The following RTTN variants were observed in gnomAD, a reference collection of about 807,000 sequenced individuals.
The protein encoded by RTTN is rotatin.
In RTTN, 182 loss-of-function variants were observed where a neutral mutation model predicts 269.2. The observed-to-expected ratio is 0.68, with a 90% CI of 0.60 to 0.76. The LOEUF is 0.76. RTTN is among the 30% of genes least tolerant of loss of function. The probability of loss-of-function intolerance (pLI) is 0.00; values close to 1 mark genes in which losing one functional copy is unlikely to be tolerated. For synonymous variants in RTTN, 1,006 were observed against 963.5 expected (o/e 1.04, Z -0.82); for missense variants, 2,545 against 2,608.6 (o/e 0.98, Z 0.53).
At chr18:70,022,195 TC>T (rs2056725885) in intron 44 of RTTN, among the ~76,000 whole-genome samples, 1 of 152,186 alleles carries the variant, frequency 6.6e-6, no homozygotes, top group Admixed American at 6.5e-5. Context: ...TCTCCTCTTC[TC>T]ACATCACCTC....
intron 25 of RTTN, among the ~76,000 whole-genome samples, chr18:70,125,299 G>A (rs939717523): frequency 4.6e-5 from 7 of 151,948 alleles, no homozygotes; most frequent in Non-Finnish European, 8.8e-5. Context: ...AGTTGAGTTT[G>A]CTAATATCAT....
chr18:70,068,498 C>T (rs1599372304), intron 34 of RTTN, among the ~76,000 whole-genome samples: 2 of 152,160 alleles, frequency 1.3e-5, no homozygotes, highest in South Asian at 4.1e-4. Flanking sequence ...GCCTTGTTTG[C>T]GAGGAGAGGC....
intron 10 of RTTN, among the ~76,000 whole-genome samples, chr18:70,177,581 A>C (rs2061332946): frequency 6.6e-6 from 1 of 152,132 alleles, no homozygotes; most frequent in African/African-American, 2.4e-5. Context: ...ATGCCCCCAT[A>C]AACTAGCGGG....
intron 37 of RTTN, 53 bp from the exon 38 acceptor site, chr18:70,054,337 C>T: frequency 6.7e-7 from 1 of 1,490,672 alleles, no homozygotes; most frequent in Non-Finnish European, 9.1e-7. Flanking sequence ...AAAAGCCCAT[C>T]TCAGTGATAC....
At chr18:70,132,579 CTTAGAAA>C (rs1405630473) in intron 23 of RTTN, among the ~76,000 whole-genome samples, 1 of 151,866 alleles carries the variant, frequency 6.6e-6, no homozygotes, top group Non-Finnish European at 1.5e-5. Context: ...TCACAAAACA[CTTAGAAA>C]ATATTTTGAA....
intron 6 of RTTN, 132 bp from the exon 7 acceptor site, chr18:70,196,780 A>G (rs577600767): frequency 3.5e-5 from 29 of 829,216 alleles, no homozygotes; most frequent in South Asian, 3.0e-4. Flanking sequence ...TTTGTAAGAC[A>G]TAAGAAACTG....
chr18:70,089,476 T>G (rs1275289094), intron 30 of RTTN, among the ~76,000 whole-genome samples: 1 of 152,162 alleles, frequency 6.6e-6, no homozygotes, highest in African/African-American at 2.4e-5. Flanking sequence ...AATGGTATTT[T>G]GTTATGGAAG....
chr18:70,144,124 G>C (rs1408020805), intron 18 of RTTN, among the ~76,000 whole-genome samples: 1 of 152,148 alleles, frequency 6.6e-6, no homozygotes, highest in African/African-American at 2.4e-5. Context: ...TGGGATTACA[G>C]GCAAGAGCCA....
Position 70,020,658 on chromosome 18 carries a change from G to A in RTTN, c.6110C>T (p.Ser2037Leu), listed in dbSNP as rs372468552. 5 of 1,613,906 alleles carry A rather than the reference G, an allele frequency of 3.1e-6. No homozygotes were observed. The African/African-American group carries it at 6.7e-5, about 22-fold the overall frequency. Reference protein sequence around the residue: ...TVQQMVFMLLSNLALSHDCKG... With the variant: ...TVQQMVFMLLLNLALSHDCKG... ...ACAGTCATGCGACAAGGCCAGGTTT[G>A]AAAGAAGCATAAAAACCATCTGCTG... The change falls in exon 45 of 49, where the codon TCA becomes TTA. Residue 2037 changes from serine to leucine, a missense_variant. Ser to Leu is a moderately radical substitution (Grantham distance 145). Coordinates refer to ENST00000640769, the MANE Select transcript of RTTN (RefSeq NM_173630.4).
At chr18:70,181,848 TTC>T (rs2061428687) in intron 10 of RTTN, among the ~76,000 whole-genome samples, 1 of 152,210 alleles carries the variant, frequency 6.6e-6, no homozygotes. Context: ...TTTGAAGTAC[TTC>T]TGTTTTATTT....
At position 70,166,977 on chromosome 18, in the gene RTTN, A is replaced by T. The variant is rs1214345714; in HGVS notation, c.1744T>A (p.Phe582Ile). Residue 582 changes from phenylalanine (F) to isoleucine (I), a missense_variant, in exon 13 of 49, where the codon TTT becomes ATT. Transcript: ENST00000640769. Reference protein sequence around the residue: ...VELADQALRSFSYHQHFPLIK... With the variant: ...VELADQALRSISYHQHFPLIK... ...AGCGGGAAATGCTGATGATAGGAAA[A>T]GCTACGCAAGGCTTGGTCTGCCAGC... 1 of 1,613,762 alleles carries T rather than the reference A, an allele frequency of 6.2e-7. No individual in the cohort carries two copies. Among genetic ancestry groups the T allele is most frequent in the Non-Finnish European group, 8.5e-7 (1 of 1,179,888 alleles).
At chr18:70,118,897 A>G (rs2059664409) in intron 26 of RTTN, among the ~76,000 whole-genome samples, 1 of 152,170 alleles carries the variant, frequency 6.6e-6, no homozygotes, top group South Asian at 2.1e-4. Context: ...CTTTCATAAT[A>G]AAAACTCTCA....
rs797045925 is a variant in RTTN at position 70,142,281 on chromosome 18, A to C, written c.2581+7T>G. ...GTACAGCAATCATTTCCCTTAAAAG[A>C]CATTACCTTGCATAATCACAGCTAA... On this transcript the variant is annotated splice_region_variant and intron_variant, in intron 19 of 48. Coordinates refer to ENST00000640769, the MANE Select transcript of RTTN (RefSeq NM_173630.4). 2.8e-5 allele frequency: 44 copies of C among 1,550,056 alleles called. No homozygotes were observed. Among genetic ancestry groups the C allele is most frequent in the Non-Finnish European group, 3.8e-5 (43 of 1,124,018 alleles).
intron 14 of RTTN, among the ~76,000 whole-genome samples, chr18:70,162,520 G>T (rs181197390): frequency 4.6e-5 from 7 of 152,226 alleles, no homozygotes; most frequent in Non-Finnish European, 8.8e-5. Flanking sequence ...CTCTTCACAG[G>T]GCGGCAGGAG....
intron 32 of RTTN, 27 bp downstream of exon 32, chr18:70,086,586 G>T: frequency 1.4e-6 from 2 of 1,472,680 alleles, no homozygotes; most frequent in East Asian, 4.5e-5. Context: ...ACATCTACTA[G>T]GTTGATAATT....
intron 23 of RTTN, among the ~76,000 whole-genome samples, chr18:70,132,714 T>A (rs1241297118): frequency 6.6e-6 from 1 of 152,034 alleles, no homozygotes; most frequent in East Asian, 1.9e-4. Flanking sequence ...CTCCAGTAAG[T>A]TAGAAAATGA....
intron 46 of RTTN, 176 bp from the exon 47 acceptor site, chr18:70,006,660 C>T (rs2056198567): frequency 5.2e-6 from 3 of 579,454 alleles, no homozygotes; most frequent in Non-Finnish European, 9.3e-6. Context: ...AGGACAACCT[C>T]AAAACATTGT....
chr18:70,074,873 A>C (rs1247008839), intron 33 of RTTN: 1 of 151,934 alleles, frequency 6.6e-6, no homozygotes, highest in African/African-American at 2.4e-5. Context: ...AAAATAAATA[A>C]CTTTTTGATA....
intron 28 of RTTN, among the ~76,000 whole-genome samples, chr18:70,102,713 T>C (rs986081504): frequency 1.3e-5 from 2 of 152,206 alleles, no homozygotes; most frequent in Non-Finnish European, 2.9e-5. Flanking sequence ...CTGGTACCGC[T>C]TGTTCCTTTC....
Sources: gnomAD v4.1 joint callset for allele counts (sites outside exome capture counted in the v4.1 genomes callset) on GRCh38, gnomAD v4.1.1 for gene constraint, MANE v1.5 for transcripts, NCBI Gene and HGNC (gene_info 2026-07-23, HGNC 2026-07-21) for gene names.